COL19A1: variants seen among roughly 807,000 people sequenced by gnomAD.
COL19A1 encodes collagen type XIX alpha 1 chain.
A neutral mutation model predicts 190.2 loss-of-function variants in COL19A1; 159 were observed. The ratio of observed to expected loss-of-function variants is 0.84; its 90% CI spans 0.73 to 0.95. COL19A1 has a LOEUF of 0.95. Ranked by LOEUF, COL19A1 falls within the 40% of genes least tolerant of loss-of-function variation. The pLI, the probability that COL19A1 is intolerant of heterozygous loss-of-function variation, is 0.00. For synonymous variants in COL19A1, 509 were observed against 458.9 expected (o/e 1.11, Z -1.39); for missense variants, 1,418 against 1,431.9 (o/e 0.99, Z 0.16).
intron 2 of COL19A1, among the ~76,000 whole-genome samples, chr6:69,895,754 A>G (rs771697093): frequency 2.6e-5 from 4 of 152,108 alleles, no homozygotes; most frequent in Admixed American, 2.0e-4. Context: ...ACTTTTTTCT[A>G]TTTAATATTA....
At chr6:70,162,709 C>G (rs1252623589) in intron 35 of COL19A1, among the ~76,000 whole-genome samples, 1 of 152,114 alleles carries the variant, frequency 6.6e-6, no homozygotes, top group Non-Finnish European at 1.5e-5. Context: ...GAGTCTTTAC[C>G]ACACCAGTAG....
chr6:70,064,701 T>A (rs1781067514), intron 14 of COL19A1, among the ~76,000 whole-genome samples: 1 of 152,106 alleles, frequency 6.6e-6, no homozygotes, highest in Non-Finnish European at 1.5e-5. Context: ...TGATTGTATA[T>A]CTAGAAAACC....
chr6:70,016,664 A>G (rs959436944), intron 11 of COL19A1, among the ~76,000 whole-genome samples: 1 of 152,086 alleles, frequency 6.6e-6, no homozygotes, highest in African/African-American at 2.4e-5. Context: ...TCAATAATAC[A>G]TAAAGAACTT....
chr6:70,019,069 C>G (rs1778274691), intron 11 of COL19A1, among the ~76,000 whole-genome samples: 2 of 152,064 alleles, frequency 1.3e-5, no homozygotes, highest in Non-Finnish European at 2.9e-5. Context: ...CAGCTAAAAG[C>G]TGAAGTAGTC....
At chr6:70,137,830 AC>A (rs2150230843) in intron 19 of COL19A1, 83 bp downstream of exon 19, 2 of 1,348,620 alleles carry the variant, frequency 1.5e-6, no homozygotes, top group Admixed American at 3.5e-5. Flanking sequence ...CCCCAATTCC[AC>A]GTGCCTTGGT....
At chr6:70,181,310 A>T (rs1766160564) in intron 44 of COL19A1, among the ~76,000 whole-genome samples, 1 of 152,160 alleles carries the variant, frequency 6.6e-6, no homozygotes, top group Non-Finnish European at 1.5e-5. Context: ...CTCAGAGAAG[A>T]CATGAAAAAA....
At chr6:70,190,186 G>T (rs1766772587) in intron 47 of COL19A1, 129 bp from the exon 48 acceptor site, 2 of 698,158 alleles carry the variant, frequency 2.9e-6, no homozygotes, top group Admixed American at 6.4e-5. Flanking sequence ...ATAATCAATT[G>T]CCAAAAGCAT....
intron 11 of COL19A1, among the ~76,000 whole-genome samples, chr6:70,010,369 G>T (rs148272537): frequency 1.6e-5 from 2 of 124,394 alleles, no homozygotes; most frequent in Non-Finnish European, 3.6e-5. Context: ...CAAGATGGCC[G>T]AATAGGAACA....
At chr6:70,165,788 A>G (rs1348334664) in intron 36 of COL19A1, among the ~76,000 whole-genome samples, 153 bp from the exon 37 acceptor site, 1 of 152,224 alleles carries the variant, frequency 6.6e-6, no homozygotes, top group African/African-American at 2.4e-5. Context: ...TCCTGGGTAA[A>G]GGAGAGCCCA....
chr6:70,030,978 G>C (rs1398487271), intron 12 of COL19A1, among the ~76,000 whole-genome samples: 2 of 152,138 alleles, frequency 1.3e-5, no homozygotes, highest in African/African-American at 4.8e-5. Context: ...CTGCCAAAGT[G>C]GTTTGTGGGG....
chr6:69,969,707 A>G (rs568019079), intron 11 of COL19A1, among the ~76,000 whole-genome samples: 2 of 152,292 alleles, frequency 1.3e-5, no homozygotes, highest in Admixed American at 6.5e-5. Context: ...CCTTTTTTAT[A>G]AGGGACTTGA....
chr6:70,158,368 T>C (rs769240180), intron 34 of COL19A1, among the ~76,000 whole-genome samples: 1 of 152,116 alleles, frequency 6.6e-6, no homozygotes, highest in Non-Finnish European at 1.5e-5. Flanking sequence ...AGTATGGACT[T>C]GAGATCTAAT....
intron 11 of COL19A1, among the ~76,000 whole-genome samples, chr6:69,990,755 C>G (rs1776573275): frequency 1.3e-5 from 2 of 151,982 alleles, no homozygotes; most frequent in South Asian, 4.1e-4. Context: ...TGCCAAGAGC[C>G]ACATAATGTC....
intron 15 of COL19A1, among the ~76,000 whole-genome samples, chr6:70,076,095 C>A (rs753984560): frequency 6.6e-6 from 1 of 152,058 alleles, no homozygotes; most frequent in Non-Finnish European, 1.5e-5. Flanking sequence ...GCCTCTGAGC[C>A]GAGTGGCTGA....
chr6:70,151,704 G>A (rs1385802879), intron 31 of COL19A1, among the ~76,000 whole-genome samples: 1 of 152,050 alleles, frequency 6.6e-6, no homozygotes, highest in Non-Finnish European at 1.5e-5. Context: ...TTATGAATTG[G>A]CTACAGGGAA....
At chr6:70,115,805 GT>G (rs200638517) in intron 16 of COL19A1, among the ~76,000 whole-genome samples, 2 of 137,196 alleles carry the variant, frequency 1.5e-5, no homozygotes, top group African/African-American at 5.5e-5. Flanking sequence ...TGTTTTTTTT[GT>G]TTTGTTTTTT....
chr6:70,197,631 A>G (rs1767295081), intron 48 of COL19A1, among the ~76,000 whole-genome samples: 1 of 152,154 alleles, frequency 6.6e-6, no homozygotes, highest in South Asian at 2.1e-4. Context: ...TGTTTTATCT[A>G]TTAATTACTA....
chr6:70,064,172 A>C (rs952934737), intron 14 of COL19A1, among the ~76,000 whole-genome samples: 3 of 152,092 alleles, frequency 2.0e-5, no homozygotes, highest in East Asian at 1.9e-4. Context: ...GAGACACAAC[A>C]AAAAAAGAGA....
At chr6:70,119,763 C>T (rs1784776596) in intron 16 of COL19A1, among the ~76,000 whole-genome samples, 1 of 152,160 alleles carries the variant, frequency 6.6e-6, no homozygotes, top group Non-Finnish European at 1.5e-5. Context: ...TTAATTCCTG[C>T]TGTAATGCCT....
Sources: gnomAD v4.1 joint callset for allele counts (sites outside exome capture counted in the v4.1 genomes callset) on GRCh38, gnomAD v4.1.1 for gene constraint, MANE v1.5 for transcripts, NCBI Gene and HGNC (gene_info 2026-07-23, HGNC 2026-07-21) for gene names.